Variants in KHDRBS2 observed in about 807,000 individuals in gnomAD.
KHDRBS2 encodes KH domain-containing, RNA-binding, signal transduction-associated protein 2.
A neutral mutation model predicts 44.3 loss-of-function variants in KHDRBS2; 26 were observed. That is an observed-to-expected ratio of 0.59 (90% CI 0.43 to 0.81). The LOEUF (loss-of-function observed/expected upper bound fraction) is 0.81, where lower values mean the gene tolerates loss of function less well. Ranked by LOEUF, KHDRBS2 falls within the 40% of genes least tolerant of loss-of-function variation. The pLI is 0.00. For missense variants in KHDRBS2, 476 were observed against 433.1 expected (o/e 1.10, Z -0.88); for synonymous variants, 194 against 151.1 (o/e 1.28, Z -2.08).
At chr6:62,072,208 C>T (rs530936115) in intron 2 of KHDRBS2, among the ~76,000 whole-genome samples, 1 of 152,120 alleles carries the variant, frequency 6.6e-6, no homozygotes, top group Non-Finnish European at 1.5e-5. Flanking sequence ...TGAGACTTGG[C>T]TGAATTTGCT....
chr6:62,162,759 A>G (rs938789032), intron 2 of KHDRBS2, among the ~76,000 whole-genome samples: 1 of 152,028 alleles, frequency 6.6e-6, no homozygotes, highest in African/African-American at 2.4e-5. Context: ...AATTCATGGT[A>G]TATTTTGAAC....
rs1041281 is a variant in KHDRBS2, at chr6:62,146,732, C to A, written c.219+30453G>T. ...GTAAAGAGACCAAAAGAAAGCTGTC[C>A]CTTAAATAGCAGGGCAAGATTTTTC... is the stretch of plus-strand genomic sequence containing the variant. On this transcript the variant is annotated intron_variant, in intron 2 of 8. Coordinates refer to ENST00000281156, the MANE Select transcript of KHDRBS2 (RefSeq NM_152688.4). Among the ~76,000 whole-genome samples the A allele has an allele frequency of 5.0e-4, 76 of 151,448 alleles. 1 individual carries two copies. The East Asian group carries it at 0.014, about 29-fold the overall frequency.
chr6:62,157,369 G>A (rs1296158232), intron 2 of KHDRBS2, among the ~76,000 whole-genome samples: 1 of 151,966 alleles, frequency 6.6e-6, no homozygotes, highest in Non-Finnish European at 1.5e-5. Flanking sequence ...ATAATTTAAT[G>A]CATGTTTGTG....
At position 62,021,924 on chromosome 6, in the gene KHDRBS2, G is replaced by GTA. The variant is rs10547508; in HGVS notation, c.336+25952_336+25953dup. Among the ~76,000 whole-genome samples, 1,419 of 146,012 alleles carry GTA rather than the reference G, an allele frequency of 9.7e-3. 8 individuals carry two copies. Among genetic ancestry groups the GTA allele is most frequent in the East Asian group, 0.038 (188 of 4,994 alleles). ...TGCTTTGTGAAAAAAGGTTTTTTGTGTATATATATATATATACACACTATA... is the reference window on the plus strand; with the variant it reads ...TGCTTTGTGAAAAAAGGTTTTTTGTGTATATATATATATATATACACACTATA... On this transcript the variant is annotated intron_variant, in intron 3 of 8. Transcript: ENST00000281156.
At chr6:61,945,138 T>TAC (rs1224954234) in intron 4 of KHDRBS2, among the ~76,000 whole-genome samples, 3 of 105,352 alleles carry the variant, frequency 2.8e-5, no homozygotes, top group Non-Finnish European at 6.0e-5. Context: ...TATATATATA[T>TAC]ATATATATAT....
the KHDRBS2 span, among the ~76,000 whole-genome samples, chr6:61,605,499 A>C: frequency 6.6e-6 from 1 of 152,186 alleles, no homozygotes; most frequent in Non-Finnish European, 1.5e-5. Flanking sequence ...GGTCCTCCCA[A>C]TTCTTAGTCC....
intron 1 of KHDRBS2, among the ~76,000 whole-genome samples, chr6:62,187,489 T>A (rs1823682499): frequency 6.6e-6 from 1 of 152,174 alleles, no homozygotes; most frequent in Non-Finnish European, 1.5e-5. Context: ...AGGTAAATTA[T>A]AATGTAATTC....
chr6:61,795,705 C>T (rs1785246168), intron 6 of KHDRBS2, among the ~76,000 whole-genome samples: 1 of 151,994 alleles, frequency 6.6e-6, no homozygotes, highest in African/African-American at 2.4e-5. Context: ...TTTGTTCTTC[C>T]CCTGAAAATC....
the KHDRBS2 span, among the ~76,000 whole-genome samples, chr6:61,611,691 T>C: frequency 1.3e-5 from 2 of 152,210 alleles, no homozygotes. Flanking sequence ...GAGTACTTTC[T>C]TAGTGAGTCC....
At chr6:61,699,069 T>C (rs1472525628) in intron 7 of KHDRBS2, among the ~76,000 whole-genome samples, 6 of 152,142 alleles carry the variant, frequency 3.9e-5, no homozygotes, top group African/African-American at 1.2e-4. Context: ...CTTCTTGTTA[T>C]AGAAAATTGG....
At chr6:61,631,964 A>T in the KHDRBS2 span, among the ~76,000 whole-genome samples, 1 of 152,150 alleles carries the variant, frequency 6.6e-6, no homozygotes, top group Non-Finnish European at 1.5e-5. Flanking sequence ...CTCTTTTGTG[A>T]TGTAAATATA....
At chr6:61,769,840 G>C (rs967582310) in intron 6 of KHDRBS2, among the ~76,000 whole-genome samples, 1 of 152,174 alleles carries the variant, frequency 6.6e-6, no homozygotes, top group African/African-American at 2.4e-5. Flanking sequence ...AGAGAGTAGT[G>C]GTTCTCCCAG....
intron 3 of KHDRBS2, among the ~76,000 whole-genome samples, chr6:61,989,274 T>A (rs528280073): frequency 6.6e-6 from 1 of 152,186 alleles, no homozygotes; most frequent in Non-Finnish European, 1.5e-5. Flanking sequence ...GTAAACATCA[T>A]TGGAGATAGC....
chr6:61,632,392 C>T, the KHDRBS2 span, among the ~76,000 whole-genome samples: 2 of 151,820 alleles, frequency 1.3e-5, no homozygotes, highest in Non-Finnish European at 2.9e-5. Flanking sequence ...TTGTACTAGG[C>T]GTTTTACTAG....
intron 1 of KHDRBS2, among the ~76,000 whole-genome samples, chr6:62,181,651 C>G (rs1303144745): frequency 6.6e-6 from 1 of 151,902 alleles, no homozygotes; most frequent in Non-Finnish European, 1.5e-5. Flanking sequence ...AAAAATTAAC[C>G]TACCATATGA....
chr6:61,808,230 A>T (rs1241518015), intron 6 of KHDRBS2, among the ~76,000 whole-genome samples: 5 of 152,132 alleles, frequency 3.3e-5, no homozygotes, highest in African/African-American at 1.2e-4. Flanking sequence ...AAATATTTGA[A>T]AGTAGAATTC....
chr6:61,996,258 A>G (rs1777151498), intron 3 of KHDRBS2, among the ~76,000 whole-genome samples: 1 of 152,226 alleles, frequency 6.6e-6, no homozygotes, highest in Admixed American at 6.5e-5. Context: ...TTACATGAAA[A>G]TAATTTACAT....
chr6:62,072,548 G>A (rs1272869416), intron 2 of KHDRBS2, among the ~76,000 whole-genome samples: 1 of 152,094 alleles, frequency 6.6e-6, no homozygotes, highest in Non-Finnish European at 1.5e-5. Flanking sequence ...TTTTTATCAT[G>A]AAGGGTTGTT....
chr6:62,070,801 C>G (rs374528922), intron 2 of KHDRBS2, among the ~76,000 whole-genome samples: 9 of 152,108 alleles, frequency 5.9e-5, no homozygotes, highest in Admixed American at 5.9e-4. Flanking sequence ...AATAAACATA[C>G]GTGTGCATGT....
Sources: allele counts gnomAD v4.1 joint callset (sites outside exome capture counted in the v4.1 genomes callset), GRCh38; gene constraint gnomAD v4.1.1; transcripts MANE v1.5; gene names NCBI Gene and HGNC (gene_info 2026-07-23, HGNC 2026-07-21).